ADAP1: variants seen among roughly 807,000 people sequenced by gnomAD.
ADAP1 encodes the protein ArfGAP with dual PH domains 1, also known as arf-GAP with dual PH domain-containing protein 1.
Under a neutral mutation model 54.9 loss-of-function variants are expected in ADAP1, and 31 were observed. That is an observed-to-expected ratio of 0.56 (90% confidence interval 0.42 to 0.76). The LOEUF (loss-of-function observed/expected upper bound fraction) is 0.76. ADAP1 is among the 30% of genes least tolerant of loss of function. The pLI, the probability that ADAP1 is intolerant of heterozygous loss-of-function variation, is 0.00. For synonymous variants in ADAP1, 313 were observed against 202.6 expected, an observed-to-expected ratio of 1.55 and a Z score of -4.63; for missense variants, 535 against 512.4, an observed-to-expected ratio of 1.04 and a Z score of -0.42.
intron 1 of ADAP1, among the ~76,000 whole-genome samples, chr7:952,524 C>T (rs569389627): frequency 5.3e-5 from 8 of 152,244 alleles, no homozygotes; most frequent in South Asian, 2.1e-4. Context: ...ATAGAGCCCT[C>T]GAGGATGTGC....
At chr7:904,937 C>A in intron 5 of ADAP1, 123 bp downstream of exon 5, 1 of 820,958 alleles carries the variant, frequency 1.2e-6, no homozygotes, top group South Asian at 1.5e-5. Context: ...CCTGGAGCGT[C>A]CCCATCGGGG....
In ADAP1 at chr7:935,302, T is replaced by A. The variant is rs1041873182; in HGVS notation, c.213+73A>T. 3 of 1,518,462 alleles carry A rather than the reference T, an allele frequency of 2.0e-6. No individual in the cohort carries two copies. The African/African-American group carries it at 4.2e-5, about 21-fold the overall frequency. 94.1% of individuals were successfully genotyped at this position (1,518,462 alleles called of 1,614,324 possible). ...GGGGCCACAGCCAGGCCGCCCGGCA[T>A]CTCTGGCTCCAGAGGCCCGGGCTGA... On this transcript the variant is annotated intron_variant, in intron 2 of 10. Transcript: ENST00000265846.
intron 1 of ADAP1, 150 bp downstream of exon 1, chr7:954,246 C>G (rs1346578836): frequency 1.4e-5 from 11 of 782,800 alleles, no homozygotes; most frequent in Non-Finnish European, 1.6e-5. Flanking sequence ...GGGCCCCATC[C>G]GAGCGCCGAT....
At chr7:904,322 C>A in intron 5 of ADAP1, 50 bp from the exon 6 acceptor site, 1 of 1,525,090 alleles carries the variant, frequency 6.6e-7, no homozygotes, top group Non-Finnish European at 8.8e-7. Flanking sequence ...CGTCCAAGCT[C>A]AAGGGAGCAG....
intron 7 of ADAP1, 60 bp downstream of exon 7, chr7:900,473 T>TC: frequency 4.0e-6 from 6 of 1,486,580 alleles, no homozygotes; most frequent in South Asian, 1.2e-5. Flanking sequence ...GAGGGCTCCG[T>TC]CCACCCCCCA....
At position 900,478 on chromosome 7, in the gene ADAP1, C is replaced by T. The variant is rs540670100; in HGVS notation, c.732+55G>A. The T allele has an allele frequency of 7.3e-6, 10 of 1,361,504 alleles. No homozygotes were observed. In the African/African-American group the frequency reaches 1.3e-4, roughly 18 times the overall value. The allele number at this position is 1,361,504 out of a possible 1,614,324, so 84.3% of individuals were successfully genotyped here. On this transcript the variant is annotated intron_variant, in intron 7 of 10. Coordinates refer to ENST00000265846, the MANE Select transcript of ADAP1 (RefSeq NM_006869.4). The stretch of plus-strand genomic sequence containing the variant: ...CTCAGGGCACGAGGGCTCCGTCCAC[C>T]CCCCACCCCACCACCCCTGTCTGCC...
rs1847335767 is a variant in ADAP1 at position 954,298 on chromosome 7, C to A, written c.82+98G>T. ...CGCCGCCACCCCCGCGGCGTCCGCG[C>A]TCCCCCGCCCGGTCCCCGGGGCCCA... On this transcript the variant is annotated intron_variant, in intron 1 of 10. Coordinates refer to ENST00000265846, the MANE Select transcript of ADAP1 (RefSeq NM_006869.4). 3.5e-5 allele frequency: 34 copies of A among 979,992 alleles called. No homozygotes were observed. The South Asian group carries it at 1.4e-3, about 39-fold the overall frequency. 60.7% of individuals were successfully genotyped at this position (979,992 alleles called of 1,614,324 possible). A position where few individuals can be genotyped will look rare whatever the true frequency, so the allele number is the denominator to read the frequency against.
intron 1 of ADAP1, among the ~76,000 whole-genome samples, chr7:937,199 C>T (rs372481083): frequency 3.2e-4 from 23 of 72,448 alleles, no homozygotes; most frequent in East Asian, 9.2e-4. Context: ...TTGGGGGTCA[C>T]GCCCGACCTC....
chr7:906,445 GAAAGGAGAAAGGGA>G (rs1845341974), intron 4 of ADAP1, among the ~76,000 whole-genome samples: 1 of 95,238 alleles, frequency 1.0e-5, no homozygotes, highest in Non-Finnish European at 2.1e-5. Context: ...GGAGAAAGGA[GAAAGGAGAAAGGGA>G]AAGGAGAAAG....
chr7:902,529 C>T (rs1177952565), intron 6 of ADAP1, among the ~76,000 whole-genome samples: 1 of 141,910 alleles, frequency 7.0e-6, no homozygotes, highest in Non-Finnish European at 1.5e-5. Flanking sequence ...CTCTGAAAAA[C>T]TAAATGCATG....
At chr7:950,873 A>G (rs1847251380) in intron 1 of ADAP1, among the ~76,000 whole-genome samples, 1 of 151,130 alleles carries the variant, frequency 6.6e-6, no homozygotes, top group South Asian at 2.1e-4. Context: ...AAAAAAAAAA[A>G]AAAAACAAGA....
Position 926,167 on chromosome 7 carries a change from C to T in ADAP1, c.305+386G>A, listed in dbSNP as rs902963483. 2.0e-5 allele frequency among the ~76,000 whole-genome samples: 3 copies of T among 151,480 alleles called. No homozygotes were observed. Among genetic ancestry groups the T allele is most frequent in the Admixed American group, 6.6e-5 (1 of 15,192 alleles). The stretch of plus-strand genomic sequence containing the variant: ...TTCCCCAACCGGCCACCGGTACCCA[C>T]GTCCGCTCCCGCCCTGAGGAGCCAG... On this transcript the variant is annotated intron_variant, in intron 3 of 10. Coordinates refer to ENST00000265846, the MANE Select transcript of ADAP1 (RefSeq NM_006869.4). The surrounding 1 kb of genome is among the most constrained non-coding windows in gnomAD (Gnocchi z 4.6).
chr7:948,181 G>A (rs1282979257), intron 1 of ADAP1, among the ~76,000 whole-genome samples: 1 of 150,472 alleles, frequency 6.6e-6, no homozygotes, highest in Non-Finnish European at 1.5e-5. Flanking sequence ...TGCAGGACCT[G>A]ACCCAGCCAT....
intron 5 of ADAP1, among the ~76,000 whole-genome samples, chr7:904,845 G>C (rs1474404930): frequency 6.6e-6 from 1 of 152,232 alleles, no homozygotes; most frequent in Non-Finnish European, 1.5e-5. Context: ...GGCCGCCCAG[G>C]CTCCTGGAAA....
chr7:921,774 G>A (rs768735883), intron 3 of ADAP1, among the ~76,000 whole-genome samples: 6 of 152,178 alleles, frequency 3.9e-5, no homozygotes, highest in African/African-American at 9.7e-5. Context: ...GTCACACAGC[G>A]GCCTCTCAGA....
At chr7:904,381 G>C in intron 5 of ADAP1, 109 bp from the exon 6 acceptor site, 1 of 1,410,966 alleles carries the variant, frequency 7.1e-7, no homozygotes, top group Non-Finnish European at 9.5e-7. Context: ...GTGCTGTGTG[G>C]CTTTGGGCAA....
At position 927,496 on chromosome 7, in the gene ADAP1, C is replaced by T. The variant is rs151198274; in HGVS notation, c.214-852G>A. 1.5e-3 allele frequency: 711 copies of T among 470,926 alleles called. 4 individuals are homozygous for T. The highest frequency in any genetic ancestry group is 0.013 in the African/African-American group (646 of 50,174). The allele number at this position is 470,926 out of a possible 1,614,324, so 29.2% of individuals were successfully genotyped here. A position where few individuals can be genotyped will look rare whatever the true frequency, so the allele number is the denominator to read the frequency against. ...CACCTTCAAGCTCCTGAACACCACT[C>T]GCCTGAGGCCGCAGCCAGGCCCAGC... On this transcript the variant is annotated intron_variant, in intron 2 of 10. Coordinates refer to ENST00000265846, the MANE Select transcript of ADAP1 (RefSeq NM_006869.4).
At chr7:907,882 C>T (rs1845539670) in intron 4 of ADAP1, among the ~76,000 whole-genome samples, 1 of 152,028 alleles carries the variant, frequency 6.6e-6, no homozygotes, top group South Asian at 2.1e-4. Flanking sequence ...CGCCGCCTCT[C>T]CGGAGGTCGC....
At chr7:922,078 G>A (rs1018761711) in intron 3 of ADAP1, among the ~76,000 whole-genome samples, 5 of 152,142 alleles carry the variant, frequency 3.3e-5, no homozygotes, top group African/African-American at 9.7e-5. Flanking sequence ...GAGCCCTCCG[G>A]AAGCCCCTCA....
Sources: allele counts gnomAD v4.1 joint callset (sites outside exome capture counted in the v4.1 genomes callset), GRCh38; gene constraint gnomAD v4.1.1; non-coding constraint Gnocchi (gnomAD v3.1); transcripts MANE v1.5; gene names NCBI Gene and HGNC (gene_info 2026-07-23, HGNC 2026-07-21).